PSMD13: variants seen among roughly 807,000 people sequenced by gnomAD.
PSMD13 encodes the protein 26S proteasome non-ATPase regulatory subunit 13.
PSMD13 carries 8 observed loss-of-function variants against 57.4 expected under a neutral mutation model. The observed-to-expected ratio is 0.14, with a 90% CI of 0.08 to 0.25. PSMD13 has a LOEUF of 0.25. Ranked by LOEUF, PSMD13 falls within the 10% of genes least tolerant of loss-of-function variation. PSMD13 has a pLI of 1.00. For synonymous variants in PSMD13, 193 were observed against 168.2 expected, an observed-to-expected ratio of 1.15 and a Z score of -1.14; for missense variants, 400 against 461.5, an observed-to-expected ratio of 0.87 and a Z score of 1.22.
chr11:243,938 T>G (rs1198099529), intron 2 of PSMD13, 103 bp from the exon 3 acceptor site: 3 of 1,216,368 alleles, frequency 2.5e-6, no homozygotes, highest in Non-Finnish European at 2.3e-6. Flanking sequence ...ACTCCCAACT[T>G]GATAGCATTG....
chr11:244,906 C>A, intron 6 of PSMD13, 145 bp downstream of exon 6: 4 of 530,776 alleles, frequency 7.5e-6, no homozygotes, highest in Non-Finnish European at 9.7e-6. Flanking sequence ...CAAAGAACTA[C>A]TATACCCCAA....
At position 249,620 on chromosome 11, in the gene PSMD13, G is replaced by C. The variant is rs572477513; in HGVS notation, c.774+563G>C. On this transcript the variant is annotated intron_variant, in intron 9 of 12. Transcript: ENST00000532097. ...AGGGGGAGAGCGGCGGGTGCGGGGAGAGGGAGAGGTCCATGCAGGGAGAAC... is the reference window on the plus strand; with the variant it reads ...AGGGGGAGAGCGGCGGGTGCGGGGACAGGGAGAGGTCCATGCAGGGAGAAC... 1.4e-3 allele frequency among the ~76,000 whole-genome samples: 99 copies of C among 72,262 alleles called. 2 individuals carry two copies. The highest frequency in any genetic ancestry group is 2.4e-3 in the Non-Finnish European group (79 of 32,832). 47.4% of individuals were successfully genotyped at this position (72,262 alleles called of 152,430 possible).
Position 244,749 on chromosome 11 carries a change from A to G in PSMD13, c.384A>G (p.Leu128=), listed in dbSNP as rs1859594912. Residue 128 remains leucine (L), a synonymous_variant, in exon 6 of 13, where the codon CTA becomes CTG. Coordinates refer to ENST00000532097, the MANE Select transcript of PSMD13 (RefSeq NM_002817.4). ...IGALKLNIGD[L]QVTKETIEDV... ...CTCTAAAATTAAACATCGGGGACCT[A>G]CAGGTTACAAAGGTGAGATCACCAT... The G allele has an allele frequency of 6.2e-7, 1 of 1,611,674 alleles. No homozygotes were observed. The highest frequency in any genetic ancestry group is 8.5e-7 in the Non-Finnish European group (1 of 1,177,940).
chr11:242,598 G>A (rs1172420425), intron 2 of PSMD13, among the ~76,000 whole-genome samples: 1 of 151,800 alleles, frequency 6.6e-6, no homozygotes, highest in Non-Finnish European at 1.5e-5. Context: ...CCATAAAATT[G>A]AGATGCAAAC....
At chr11:248,422 AAGTT>A (rs545773062) in intron 7 of PSMD13, among the ~76,000 whole-genome samples, 79 of 152,358 alleles carry the variant, frequency 5.2e-4, no homozygotes, top group African/African-American at 1.8e-3. Flanking sequence ...AACAGAAAGT[AAGTT>A]AGTTCTGGTC....
rs1219980339 is a variant in PSMD13, at chr11:251,631, G to A, written c.918+5G>A. 9.9e-6 allele frequency: 16 copies of A among 1,610,632 alleles called. No individual in the cohort carries two copies. The highest frequency in any genetic ancestry group is 5.3e-5 in the African/African-American group (4 of 74,838). ...GCTAAAATCACAGTGAATGAGGTAC[G>A]GTCCCTAGGCTCAGGGTGTTAGAGC... is the stretch of plus-strand genomic sequence containing the variant. On this transcript the variant is annotated splice_donor_5th_base_variant and intron_variant, in intron 11 of 12. Coordinates refer to ENST00000532097, the MANE Select transcript of PSMD13 (RefSeq NM_002817.4). The surrounding 1 kb of genome is among the most constrained non-coding windows in gnomAD (Gnocchi z 4.6).
chr11:252,093 C>G lies in PSMD13; in HGVS notation c.1035+157C>G. On this transcript the variant is annotated intron_variant, in intron 12 of 12. Coordinates refer to ENST00000532097, the MANE Select transcript of PSMD13 (RefSeq NM_002817.4). The surrounding 1 kb of genome is among the most constrained non-coding windows in gnomAD (Gnocchi z 4.1). ...TACTGCTGTTGGGTTTTTCTAAGAG[C>G]CTAATTTAATGCAAGCCTAGGGTTT... 1 of 697,182 alleles carries G rather than the reference C, an allele frequency of 1.4e-6. No individual in the cohort carries two copies. Among genetic ancestry groups the G allele is most frequent in the Non-Finnish European group, 2.5e-6 (1 of 407,172 alleles). 43.2% of individuals were successfully genotyped at this position (697,182 alleles called of 1,614,324 possible).
In PSMD13 at chr11:249,030, G is replaced by A; in HGVS notation, c.747G>A (p.Gln249=). The A allele has an allele frequency of 6.2e-7, 1 of 1,613,398 alleles. No homozygotes were observed. Among genetic ancestry groups the A allele is most frequent in the African/African-American group, 1.3e-5 (1 of 75,024 alleles). ...AFNSGNVERF[Q]TLKTAWGQQP... is the part of the protein sequence containing the mutation. ...ACAGTGGCAACGTAGAGCGGTTCCA[G>A]ACTCTGAAGACTGCCTGGGGCCAGC... is the stretch of plus-strand genomic sequence containing the variant. Residue 249 remains glutamine (Q), a synonymous_variant, in exon 9 of 13, where the codon CAG becomes CAA. Coordinates refer to ENST00000532097, the MANE Select transcript of PSMD13 (RefSeq NM_002817.4).
Position 245,695 on chromosome 11 carries a change from C to T in PSMD13, c.396+934C>T, listed in dbSNP as rs910558579. Among the ~76,000 whole-genome samples, 31 of 128,116 alleles carry T rather than the reference C, an allele frequency of 2.4e-4. 1 individual carries two copies. The highest frequency in any genetic ancestry group is 5.9e-4 in the African/African-American group (19 of 32,280). 84.0% of individuals were successfully genotyped at this position (128,116 alleles called of 152,430 possible). A position where few individuals can be genotyped will look rare whatever the true frequency, so the allele number is the denominator to read the frequency against. On this transcript the variant is annotated intron_variant, in intron 6 of 12. Transcript: ENST00000532097. ...GTGTGTGTGTGTTTGCATGTGTGTT[C>T]GTGTGTTTGTGTGTGTTTGTGTGTG... is the stretch of plus-strand genomic sequence containing the variant.
intron 2 of PSMD13, among the ~76,000 whole-genome samples, chr11:242,802 CTT>C (rs887890095): frequency 6.7e-6 from 1 of 148,550 alleles, no homozygotes; most frequent in Non-Finnish European, 1.5e-5. Context: ...TTCTTTTTCT[CTT>C]TTTTTTTTGA....
intron 1 of PSMD13, among the ~76,000 whole-genome samples, chr11:238,474 G>A (rs1254216025): frequency 6.6e-6 from 1 of 152,238 alleles, no homozygotes. Flanking sequence ...CTACACCGTA[G>A]AGACTGGTTA....
In PSMD13 at chr11:247,390, G is replaced by C; in HGVS notation, c.510G>C (p.Ala170=). Residue 170 remains alanine, a synonymous_variant, in exon 7 of 13, where the codon GCG becomes GCC. Transcript: ENST00000532097. ...ACTATCAAACAATCGGAAACCACGC[G>C]TCCTACTACAAAGATGCTCTGCGGT... ...SKYYQTIGNH[A]SYYKDALRFL... 6.2e-7 allele frequency: 1 copy of C among 1,603,152 alleles called. No individual in the cohort carries two copies. The highest frequency in any genetic ancestry group is 1.1e-5 in the South Asian group (1 of 90,896).
chr11:242,022 C>T (rs1164154485), intron 2 of PSMD13, among the ~76,000 whole-genome samples: 1 of 152,044 alleles, frequency 6.6e-6, no homozygotes, highest in Non-Finnish European at 1.5e-5. Context: ...CTTCCCCTCC[C>T]ACACCAAATG....
In PSMD13 at chr11:249,042, T is replaced by C. The variant is rs1859714252; in HGVS notation, c.759T>C (p.Thr253=). Residue 253 remains threonine, a synonymous_variant, in exon 9 of 13, where the codon ACT becomes ACC. Coordinates refer to ENST00000532097, the MANE Select transcript of PSMD13 (RefSeq NM_002817.4). ...GNVERFQTLK[T]AWGQQPDLAA... ...TAGAGCGGTTCCAGACTCTGAAGAC[T>C]GCCTGGGGCCAGCAGGTAGGACTCC... 1.2e-6 allele frequency: 2 copies of C among 1,612,946 alleles called. No individual in the cohort carries two copies. The highest frequency in any genetic ancestry group is 1.7e-5 in the Admixed American group (1 of 60,002).
In PSMD13 at chr11:237,164, G is replaced by A. The variant is rs567621273; in HGVS notation, c.95+20G>A. The A allele has an allele frequency of 4.4e-5, 71 of 1,597,838 alleles. No individual in the cohort carries two copies. The highest frequency in any genetic ancestry group is 3.8e-4 in the Admixed American group (22 of 58,334). On this transcript the variant is annotated intron_variant, in intron 1 of 12. Transcript: ENST00000532097. The stretch of plus-strand genomic sequence containing the variant: ...GAAGAAGTGAGCGCCGAGCAGACGG[G>A]CCCTGGGCCCCGGCGATAGAGGGAG...
chr11:237,637 A>T (rs909411312), intron 1 of PSMD13, among the ~76,000 whole-genome samples: 2 of 152,186 alleles, frequency 1.3e-5, no homozygotes, highest in Admixed American at 1.3e-4. Flanking sequence ...AGGCTAGTAC[A>T]GCTTTGCTGT....
At chr11:245,289 T>C (rs1223686944) in intron 6 of PSMD13, among the ~76,000 whole-genome samples, 1 of 152,182 alleles carries the variant, frequency 6.6e-6, no homozygotes, top group Non-Finnish European at 1.5e-5. Flanking sequence ...TGTGTGTCTG[T>C]AGCTTTTTTC....
chr11:238,902 C>G, intron 1 of PSMD13, 96 bp from the exon 2 acceptor site: 2 of 1,214,278 alleles, frequency 1.6e-6, no homozygotes, highest in Non-Finnish European at 2.4e-6. Flanking sequence ...ATTAGAGATA[C>G]CCAACCTGTA....
At position 252,377 on chromosome 11, in the gene PSMD13, CT is replaced by C; in HGVS notation, c.1036-123del. 1.2e-6 allele frequency: 1 copy of C among 831,624 alleles called. No homozygotes were observed. The highest frequency in any genetic ancestry group is 2.0e-6 in the Non-Finnish European group (1 of 501,526). The allele number at this position is 831,624 out of a possible 1,614,324, so 51.5% of individuals were successfully genotyped here. ...GTCCCACTCCCCCAGCTCAGAGGTCCTTTTTACTAGAGCTGCCCTAGAGAGT... is the reference window on the plus strand; with the variant it reads ...GTCCCACTCCCCCAGCTCAGAGGTCCTTTTACTAGAGCTGCCCTAGAGAGT... On this transcript the variant is annotated intron_variant, in intron 12 of 12. Transcript: ENST00000532097. The surrounding 1 kb of genome is among the most constrained non-coding windows in gnomAD (Gnocchi z 4.1).
Sources: allele counts gnomAD v4.1 joint callset (sites outside exome capture counted in the v4.1 genomes callset), GRCh38; gene constraint gnomAD v4.1.1; non-coding constraint Gnocchi (gnomAD v3.1); transcripts MANE v1.5; gene names NCBI Gene and HGNC (gene_info 2026-07-23, HGNC 2026-07-21).